ZMYND12: variants seen among roughly 807,000 people sequenced by gnomAD.
The protein encoded by ZMYND12 is zinc finger MYND domain-containing protein 12.
In ZMYND12, 32 loss-of-function variants were observed where a neutral mutation model predicts 41.7. That is an observed-to-expected ratio of 0.77 (90% CI 0.58 to 1.03). The LOEUF (loss-of-function observed/expected upper bound fraction) is 1.03. Among genes scored for constraint, ZMYND12 ranks in the 50% least tolerant of loss-of-function variants. The pLI, the probability that ZMYND12 is intolerant of heterozygous loss-of-function variation, is 0.00. For missense variants in ZMYND12, 424 were observed against 438.5 expected, an observed-to-expected ratio of 0.97 and a Z score of 0.30; for synonymous variants, 148 against 164.8, an observed-to-expected ratio of 0.90 and a Z score of 0.78.
intron 3 of ZMYND12, among the ~76,000 whole-genome samples, chr1:42,440,892 C>T (rs1358089909): frequency 2.0e-5 from 3 of 151,908 alleles, no homozygotes; most frequent in African/African-American, 7.3e-5. Flanking sequence ...GGTCTCAAAC[C>T]CCTGACATCA....
chr1:42,447,740 T>TA (rs1643038686), intron 3 of ZMYND12, among the ~76,000 whole-genome samples: 1 of 152,180 alleles, frequency 6.6e-6, no homozygotes, highest in Non-Finnish European at 1.5e-5. Context: ...GTTTTACTTT[T>TA]AAAAAAGTAT....
In ZMYND12 at chr1:42,439,271, C is replaced by CTTT. The variant is rs10657885; in HGVS notation, c.594+582_594+584dup. On this transcript the variant is annotated intron_variant, in intron 4 of 7. Transcript: ENST00000372565. The stretch of plus-strand genomic sequence containing the variant: ...AGAAGCAAAGCCCTTCTCTCTCTCT[C>CTTT]TTTTTTTTTTTTTGAGACGAAGTCT... Among the ~76,000 whole-genome samples the CTTT allele has an allele frequency of 7.8e-3, 1,121 of 144,460 alleles. 10 individuals are homozygous for CTTT. The highest frequency in any genetic ancestry group is 0.021 in the Middle Eastern group (6 of 280). 94.8% of individuals were successfully genotyped at this position (144,460 alleles called of 152,430 possible).
Position 42,439,883 on chromosome 1 carries a change from T to G in ZMYND12, c.567A>C (p.Glu189Asp). 1 of 1,613,282 alleles carries G rather than the reference T, an allele frequency of 6.2e-7. No individual in the cohort carries two copies. Among genetic ancestry groups the G allele is most frequent in the Non-Finnish European group, 8.5e-7 (1 of 1,179,818 alleles). ...GLLYIAKKNY[E>D]EARYHLANDI... ...CATTGGCCAGATGATAACGGGCCTC[T>G]TCATAGTTTTTCTTAGCTATATAGA... Residue 189 changes from glutamate (E) to aspartate (D), a missense_variant, in exon 4 of 8, where the codon GAA becomes GAC. Coordinates refer to ENST00000372565, the MANE Select transcript of ZMYND12 (RefSeq NM_032257.5).
chr1:42,453,426 G>C (rs891334332), intron 1 of ZMYND12, among the ~76,000 whole-genome samples: 1 of 152,170 alleles, frequency 6.6e-6, no homozygotes, highest in Admixed American at 6.5e-5. Context: ...GGCATACAAT[G>C]ACAGGTCGGA....
chr1:42,440,449 A>G (rs761852281), intron 3 of ZMYND12, among the ~76,000 whole-genome samples: 4 of 151,238 alleles, frequency 2.6e-5, no homozygotes, highest in Admixed American at 1.3e-4. Flanking sequence ...AAATCCATAG[A>G]GACGGAAAGT....
chr1:42,441,689 C>G (rs1344045927), intron 3 of ZMYND12, among the ~76,000 whole-genome samples: 1 of 151,872 alleles, frequency 6.6e-6, no homozygotes, highest in Non-Finnish European at 1.5e-5. Flanking sequence ...GGCGGGATCT[C>G]GGCTCACTGC....
At chr1:42,438,957 C>T (rs2148406024) in intron 4 of ZMYND12, among the ~76,000 whole-genome samples, 1 of 152,308 alleles carries the variant, frequency 6.6e-6, no homozygotes, top group Non-Finnish European at 1.5e-5. Context: ...AAGAACAATT[C>T]AGTTATCATC....
intron 1 of ZMYND12, among the ~76,000 whole-genome samples, chr1:42,452,455 C>A (rs1469900414): frequency 6.6e-6 from 1 of 152,194 alleles, no homozygotes; most frequent in South Asian, 2.1e-4. Flanking sequence ...GTAATCCCAG[C>A]ACTTTGGGAG....
chr1:42,434,511 T>C (rs1008514561), intron 6 of ZMYND12, among the ~76,000 whole-genome samples: 1 of 152,018 alleles, frequency 6.6e-6, no homozygotes. Context: ...GCAGGGGTGG[T>C]AGGGGCGAGT....
Position 42,448,669 on chromosome 1 carries a change from C to T in ZMYND12, c.253-31G>A, listed in dbSNP as rs752341852. 3.8e-6 allele frequency: 6 copies of T among 1,574,892 alleles called. No homozygotes were observed. The East Asian group carries it at 1.1e-4, about 30-fold the overall frequency. ...GAAGAGAGAAACAGACTATCTGAGA[C>T]AGTCTAAAGTTAAAGGCAAAGGTGG... On this transcript the variant is annotated intron_variant, in intron 2 of 7. Transcript: ENST00000372565.
At chr1:42,448,662 T>C (rs754534860) in intron 2 of ZMYND12, 24 bp from the exon 3 acceptor site, 5 of 1,580,594 alleles carry the variant, frequency 3.2e-6, no homozygotes, top group Admixed American at 3.5e-5. Context: ...AAACAGACTA[T>C]CTGAGACAGT....
rs773480828 is a variant in ZMYND12, at chr1:42,449,979, A to G, written c.191T>C (p.Met64Thr). 1.9e-6 allele frequency: 3 copies of G among 1,613,930 alleles called. No individual in the cohort carries two copies. In the Admixed American group the frequency reaches 5.0e-5, roughly 27 times the overall value. ...CQLLIPLRTS[M>T]PFYNSEEERQ... The stretch of plus-strand genomic sequence containing the variant: ...TTCTTCCTCTGAATTGTAGAAGGGC[A>G]TGGAAGTGCGCAGTGGAATCAAGAG... Residue 64 changes from methionine (M) to threonine (T), a missense_variant, in exon 2 of 8, where the codon ATG becomes ACG. Transcript: ENST00000372565.
chr1:42,451,351 T>C (rs1175706499), intron 1 of ZMYND12, among the ~76,000 whole-genome samples: 1 of 152,248 alleles, frequency 6.6e-6, no homozygotes, highest in African/African-American at 2.4e-5. Context: ...GCTCTGTTGT[T>C]AGATGCATAG....
chr1:42,450,760 G>C (rs1051798137), intron 1 of ZMYND12, among the ~76,000 whole-genome samples: 2 of 151,978 alleles, frequency 1.3e-5, no homozygotes, highest in African/African-American at 4.8e-5. Flanking sequence ...GTACTGCTTT[G>C]CCAGCATCTA....
At chr1:42,446,551 C>G (rs1262517766) in intron 3 of ZMYND12, among the ~76,000 whole-genome samples, 1 of 151,552 alleles carries the variant, frequency 6.6e-6, no homozygotes, top group Admixed American at 6.6e-5. Flanking sequence ...ACTCGGGAGG[C>G]TGAGGCAGGA....
intron 1 of ZMYND12, among the ~76,000 whole-genome samples, chr1:42,455,601 T>C (rs1475896422): frequency 6.6e-6 from 1 of 152,220 alleles, no homozygotes; most frequent in African/African-American, 2.4e-5. Context: ...GTCTCCCACA[T>C]TGGAATGTTA....
At chr1:42,437,230 G>A (rs61170665) in intron 4 of ZMYND12, among the ~76,000 whole-genome samples, 4,521 of 152,272 alleles carry the variant, frequency 0.03, 185 homozygotes, top group African/African-American at 0.1. Flanking sequence ...ACTGTCCTGA[G>A]AAGGCAAATT....
intron 1 of ZMYND12, among the ~76,000 whole-genome samples, chr1:42,454,543 G>A (rs1643124665): frequency 6.6e-6 from 1 of 152,102 alleles, no homozygotes; most frequent in South Asian, 2.1e-4. Flanking sequence ...CCACACTGCA[G>A]CCCATCCTCT....
Position 42,430,630 on chromosome 1 carries a change from G to A in ZMYND12, c.*106C>T, listed in dbSNP as rs1570343395. On this transcript the variant is annotated 3_prime_UTR_variant, in exon 8 of 8. Coordinates refer to ENST00000372565, the MANE Select transcript of ZMYND12 (RefSeq NM_032257.5). ...GTGTGCAATCCCAGGGGAAGAGGGT[G>A]GAAACTTCAGCAGTCTACAGTACCT... The A allele has an allele frequency of 7.0e-7, 1 of 1,436,412 alleles. No individual in the cohort carries two copies. The highest frequency in any genetic ancestry group is 1.4e-5 in the South Asian group (1 of 72,774). The allele number at this position is 1,436,412 out of a possible 1,614,324, so 89.0% of individuals were successfully genotyped here. A position where few individuals can be genotyped will look rare whatever the true frequency, so the allele number is the denominator to read the frequency against.
Sources: gnomAD v4.1 joint callset for allele counts (sites outside exome capture counted in the v4.1 genomes callset) on GRCh38, gnomAD v4.1.1 for gene constraint, MANE v1.5 for transcripts, NCBI Gene and HGNC (gene_info 2026-07-23, HGNC 2026-07-21) for gene names.